EDAR: variants seen among roughly 807,000 people sequenced by gnomAD.
The protein encoded by EDAR is ectodysplasin A receptor, also known as tumor necrosis factor receptor superfamily member EDAR.
Under a neutral mutation model 51.3 loss-of-function variants are expected in EDAR, and 38 were observed. That is an observed-to-expected ratio of 0.74 (90% confidence interval 0.57 to 0.97). The LOEUF (loss-of-function observed/expected upper bound fraction) is 0.97. Ranked by LOEUF, EDAR falls within the 50% of genes least tolerant of loss-of-function variation. The pLI, the probability that EDAR is intolerant of heterozygous loss-of-function variation, is 0.00. For missense variants in EDAR, 528 were observed against 595.0 expected, an observed-to-expected ratio of 0.89 and a Z score of 1.17; for synonymous variants, 227 against 242.1, an observed-to-expected ratio of 0.94 and a Z score of 0.58.
At chr2:108,935,225 T>C (rs1387562939) in intron 1 of EDAR, among the ~76,000 whole-genome samples, 1 of 152,180 alleles carries the variant, frequency 6.6e-6, no homozygotes, top group Non-Finnish European at 1.5e-5. Flanking sequence ...CCATCTAGAA[T>C]GATGACACAG....
intron 1 of EDAR, among the ~76,000 whole-genome samples, chr2:108,951,676 C>A (rs1035932106): frequency 4.6e-5 from 7 of 152,166 alleles, no homozygotes; most frequent in African/African-American, 1.7e-4. Context: ...CCTGCAATTT[C>A]TTTAACTGTA....
At chr2:108,965,798 G>C (rs908087914) in intron 1 of EDAR, among the ~76,000 whole-genome samples, 2 of 152,064 alleles carry the variant, frequency 1.3e-5, no homozygotes, top group African/African-American at 4.8e-5. Context: ...GGAAATTCAA[G>C]ATGGGCCTTT....
chr2:108,945,806 A>G (rs116520778), intron 1 of EDAR, among the ~76,000 whole-genome samples: 2 of 152,332 alleles, frequency 1.3e-5, no homozygotes, highest in Admixed American at 6.5e-5. Context: ...TAAGCCAGTC[A>G]TGAAAGGACA....
chr2:108,955,513 C>T (rs189503168), intron 1 of EDAR, among the ~76,000 whole-genome samples: 130 of 152,232 alleles, frequency 8.5e-4, no homozygotes, highest in African/African-American at 2.9e-3. Flanking sequence ...TCTGGGAGGC[C>T]GTGGTGGGCA....
At chr2:108,921,295 G>A (rs1462702228) in intron 5 of EDAR, among the ~76,000 whole-genome samples, 4 of 152,200 alleles carry the variant, frequency 2.6e-5, no homozygotes, top group Non-Finnish European at 1.5e-5. Context: ...CTCCCCTGCA[G>A]CTGCGACCCA....
chr2:108,927,911 C>G (rs1697288742), intron 4 of EDAR, among the ~76,000 whole-genome samples: 1 of 152,172 alleles, frequency 6.6e-6, no homozygotes, highest in Non-Finnish European at 1.5e-5. Context: ...GAATCTCTTT[C>G]CCCTTCTGAG....
chr2:108,930,869 T>C (rs1019487267), intron 2 of EDAR, 95 bp downstream of exon 2: 1 of 1,368,546 alleles, frequency 7.3e-7, no homozygotes, highest in Non-Finnish European at 1.0e-6. Context: ...GGGACTATGA[T>C]CAGCATTCCC....
At chr2:108,974,329 CAAAAAAAAAAAAA>C (rs11346592) in intron 1 of EDAR, among the ~76,000 whole-genome samples, 1 of 61,526 alleles carries the variant, frequency 1.6e-5, no homozygotes, top group Non-Finnish European at 2.7e-5. Flanking sequence ...GGATCCGTCT[CAAAAAAAAAAAAA>C]AAAAAAAAAA....
chr2:108,934,420 T>C (rs1225362530), intron 1 of EDAR, among the ~76,000 whole-genome samples: 2 of 152,160 alleles, frequency 1.3e-5, no homozygotes, highest in African/African-American at 2.4e-5. Flanking sequence ...TGCTGGGGTA[T>C]GAGACCAAGG....
At chr2:108,965,479 A>AAC (rs35430501) in intron 1 of EDAR, among the ~76,000 whole-genome samples, 1 of 147,758 alleles carries the variant, frequency 6.8e-6, no homozygotes, top group Non-Finnish European at 1.5e-5. Flanking sequence ...AAAAAAAAAA[A>AAC]GATAATAAAT....
intron 1 of EDAR, among the ~76,000 whole-genome samples, chr2:108,944,464 C>T (rs1176755855): frequency 2.6e-5 from 4 of 152,178 alleles, no homozygotes; most frequent in Admixed American, 1.3e-4. Context: ...ACTATGGCTG[C>T]GGCAACAATG....
chr2:108,911,208 CT>C, intron 6 of EDAR, 136 bp from the exon 7 acceptor site: 1 of 1,110,232 alleles, frequency 9.0e-7, no homozygotes, highest in Non-Finnish European at 1.3e-6. Flanking sequence ...GAGGTGCTTG[CT>C]TAGACTGAGA....
At chr2:108,977,222 T>C (rs1386406210) in intron 1 of EDAR, among the ~76,000 whole-genome samples, 1 of 152,084 alleles carries the variant, frequency 6.6e-6, no homozygotes, top group East Asian at 1.9e-4. Flanking sequence ...AGCACTGCCT[T>C]TGCCGCCGGG....
intron 1 of EDAR, among the ~76,000 whole-genome samples, chr2:108,952,344 G>A (rs1247057721): frequency 6.6e-6 from 1 of 152,160 alleles, no homozygotes; most frequent in Non-Finnish European, 1.5e-5. Context: ...TAAATATCAG[G>A]ATTTTGTTTC....
Position 108,911,120 on chromosome 2 carries a change from C to A in EDAR, c.530-48G>T, listed in dbSNP as rs372462035. The A allele has an allele frequency of 1.3e-3, 2,143 of 1,612,386 alleles. 1 individual carries two copies. The highest frequency in any genetic ancestry group is 1.6e-3 in the Non-Finnish European group (1,934 of 1,179,260). Reference sequence around the variant, plus strand: ...AATGACCCAGAGCTCAGGATCCCTGCTGGTCTTCCCTCCAGGACTCCGGCC... The same window carrying A: ...AATGACCCAGAGCTCAGGATCCCTGATGGTCTTCCCTCCAGGACTCCGGCC... On this transcript the variant is annotated intron_variant, in intron 6 of 11. Coordinates refer to ENST00000258443, the MANE Select transcript of EDAR (RefSeq NM_022336.4).
chr2:108,910,531 G>A lies in EDAR; in HGVS notation c.732C>T (p.Asp244=), dbSNP rs372050138. ...SKDEEKKEAP[D]NVVMFSEKDE... The stretch of plus-strand genomic sequence containing the variant: ...CCTTCTCGGAGAACATCACCACGTT[G>A]TCTGCAGGGAAATGGGGAGGTTGGG... The change falls in exon 9 of 12, where the codon GAC becomes GAT. Residue 244 remains aspartate, a splice_region_variant and synonymous_variant. Coordinates refer to ENST00000258443, the MANE Select transcript of EDAR (RefSeq NM_022336.4). The A allele has an allele frequency of 1.2e-6, 2 of 1,612,328 alleles. No individual in the cohort carries two copies. The highest frequency in any genetic ancestry group is 1.1e-5 in the South Asian group (1 of 90,934).
At chr2:108,967,578 G>A (rs1193715796) in intron 1 of EDAR, among the ~76,000 whole-genome samples, 3 of 152,104 alleles carry the variant, frequency 2.0e-5, no homozygotes, top group Admixed American at 6.5e-5. Flanking sequence ...GCCAAGACGG[G>A]GTGGCTATAA....
At chr2:108,980,571 A>G in intron 1 of EDAR, among the ~76,000 whole-genome samples, 1 of 152,100 alleles carries the variant, frequency 6.6e-6, no homozygotes, top group East Asian at 1.9e-4. Context: ...TAAGTCGTTG[A>G]GTGGACACTG....
intron 4 of EDAR, among the ~76,000 whole-genome samples, chr2:108,928,709 TTCTC>T (rs1437014070): frequency 6.6e-6 from 1 of 152,220 alleles, no homozygotes; most frequent in Non-Finnish European, 1.5e-5. Context: ...GATTTTATCT[TTCTC>T]TCTTTCAGGC....
Sources: gnomAD v4.1 joint callset for allele counts (sites outside exome capture counted in the v4.1 genomes callset) on GRCh38, gnomAD v4.1.1 for gene constraint, MANE v1.5 for transcripts, NCBI Gene and HGNC (gene_info 2026-07-23, HGNC 2026-07-21) for gene names.